PARP4: variants seen among roughly 807,000 people sequenced by gnomAD.
PARP4 encodes protein mono-ADP-ribosyltransferase PARP4.
A neutral mutation model predicts 187.7 loss-of-function variants in PARP4; 120 were observed. The ratio of observed to expected loss-of-function variants is 0.64; its 90% confidence interval spans 0.55 to 0.74. PARP4 has a LOEUF of 0.74. PARP4 is among the 30% of genes least tolerant of loss of function. The pLI is 0.00. For synonymous variants in PARP4, 654 were observed against 740.9 expected (o/e 0.88, Z 1.90); for missense variants, 1,836 against 2,070.5 (o/e 0.89, Z 2.20).
At chr13:24,462,289 G>A (rs541944773) in intron 17 of PARP4, among the ~76,000 whole-genome samples, 12 of 152,240 alleles carry the variant, frequency 7.9e-5, no homozygotes, top group African/African-American at 2.4e-4. Flanking sequence ...GAATTGTTCC[G>A]GATCCAGAAC....
chr13:24,498,073 C>G, intron 6 of PARP4, 43 bp downstream of exon 6: 2 of 1,354,180 alleles, frequency 1.5e-6, no homozygotes, highest in Non-Finnish European at 2.1e-6. Flanking sequence ...GAGTTATGAA[C>G]AGAGGTCAGT....
At chr13:24,495,119 C>G (rs1469742004) in intron 6 of PARP4, among the ~76,000 whole-genome samples, 1 of 152,142 alleles carries the variant, frequency 6.6e-6, no homozygotes, top group African/African-American at 2.4e-5. Flanking sequence ...AATCCACCCA[C>G]CTCGGCCTCC....
At chr13:24,481,817 G>T (rs1873295650) in intron 12 of PARP4, among the ~76,000 whole-genome samples, 1 of 152,206 alleles carries the variant, frequency 6.6e-6, no homozygotes, top group Non-Finnish European at 1.5e-5. Flanking sequence ...GGCTATGGTT[G>T]CATCTTACTG....
At chr13:24,446,932 G>A in intron 26 of PARP4, 84 bp downstream of exon 26, 1 of 1,497,108 alleles carries the variant, frequency 6.7e-7, no homozygotes, top group Non-Finnish European at 9.0e-7. Context: ...ATCTGCTGGT[G>A]AGAAGGGGAG....
chr13:24,493,807 G>T, intron 7 of PARP4, 74 bp from the exon 8 acceptor site: 1 of 1,410,694 alleles, frequency 7.1e-7, no homozygotes, highest in Non-Finnish European at 9.9e-7. Context: ...ATGGGCCAAC[G>T]AACAGAGGTG....
At chr13:24,427,267 C>A (rs1870105516) in intron 32 of PARP4, among the ~76,000 whole-genome samples, 1 of 152,048 alleles carries the variant, frequency 6.6e-6, no homozygotes, top group Non-Finnish European at 1.5e-5. Flanking sequence ...CTATAGGTAT[C>A]CAAGATATTT....
chr13:24,506,362 A>G (rs977593691), intron 1 of PARP4, among the ~76,000 whole-genome samples: 13 of 152,182 alleles, frequency 8.5e-5, no homozygotes, highest in Non-Finnish European at 1.8e-4. Context: ...ATTTACTGCA[A>G]GGAGTGAAAA....
chr13:24,482,764 TTGCTATA>T (rs1186579054), intron 12 of PARP4, among the ~76,000 whole-genome samples: 1 of 152,226 alleles, frequency 6.6e-6, no homozygotes, highest in Non-Finnish European at 1.5e-5. Context: ...ATTGCAGTAT[TTGCTATA>T]TTGCAGTAGT....
intron 12 of PARP4, among the ~76,000 whole-genome samples, chr13:24,482,742 G>A (rs1873345000): frequency 6.6e-6 from 1 of 152,206 alleles, no homozygotes; most frequent in Admixed American, 6.5e-5. Context: ...AAAAATGTGT[G>A]TGACTCACTT....
chr13:24,483,736 C>T (rs943101468), intron 12 of PARP4, among the ~76,000 whole-genome samples: 2 of 152,002 alleles, frequency 1.3e-5, no homozygotes, highest in Non-Finnish European at 1.5e-5. Flanking sequence ...AAGCCAGTCT[C>T]CTGCCTCACC....
intron 1 of PARP4, among the ~76,000 whole-genome samples, chr13:24,507,539 C>T (rs1043915660): frequency 7.9e-5 from 12 of 152,172 alleles, no homozygotes; most frequent in Admixed American, 1.3e-4. Flanking sequence ...ACCCCCATCT[C>T]CTTCTGCCAG....
chr13:24,460,577 T>A (rs764692536), intron 17 of PARP4, among the ~76,000 whole-genome samples: 29 of 151,856 alleles, frequency 1.9e-4, no homozygotes, highest in Non-Finnish European at 3.8e-4. Flanking sequence ...CTGACCTCCA[T>A]GGCACCCAAC....
chr13:24,490,741 T>G lies in PARP4; in HGVS notation c.1141A>C (p.Lys381Gln). The G allele has an allele frequency of 6.2e-7, 1 of 1,614,132 alleles. No individual in the cohort carries two copies. The highest frequency in any genetic ancestry group is 8.5e-7 in the Non-Finnish European group (1 of 1,179,954). Reference sequence around the variant, plus strand: ...GTATTCTGTTCAACATGCTCAATTTTGCACCTCAAAGCTCGGTATTTGGCC... The same window carrying G: ...GTATTCTGTTCAACATGCTCAATTTGGCACCTCAAAGCTCGGTATTTGGCC... ...SLAKYRALRC[K>Q]IEHVEQNTEE... The change falls in exon 10 of 34, where the codon AAA becomes CAA. Residue 381 changes from lysine (K) to glutamine (Q), a missense_variant. Lys to Gln is a moderately conservative substitution (Grantham distance 53). This residue lies in a region of PARP4 where 1,147 missense variants were observed against 1,214.2 expected (regional missense o/e 0.94). Coordinates refer to ENST00000381989, the MANE Select transcript of PARP4 (RefSeq NM_006437.4).
At chr13:24,426,726 A>G (rs1593582194) in intron 32 of PARP4, 128 bp from the exon 33 acceptor site, 1 of 352,346 alleles carries the variant, frequency 2.8e-6, no homozygotes, top group African/African-American at 2.3e-5. Flanking sequence ...CATCTCTGCT[A>G]AAAAAAAAAA....
At chr13:24,439,827 G>A (rs1217419535) in intron 30 of PARP4, among the ~76,000 whole-genome samples, 8 of 152,130 alleles carry the variant, frequency 5.3e-5, no homozygotes, top group Admixed American at 5.2e-4. Flanking sequence ...CAGTCAGAGA[G>A]AGGCCACAGG....
At chr13:24,463,881 C>T (rs1424624755) in intron 17 of PARP4, among the ~76,000 whole-genome samples, 3 of 152,064 alleles carry the variant, frequency 2.0e-5, no homozygotes, top group African/African-American at 7.2e-5. Flanking sequence ...ATGACAAGAT[C>T]CTATATCTAG....
At chr13:24,435,794 T>A (rs925913142) in intron 30 of PARP4, among the ~76,000 whole-genome samples, 9 of 152,012 alleles carry the variant, frequency 5.9e-5, no homozygotes, top group African/African-American at 2.2e-4. Context: ...CTCATGACTG[T>A]AGTCCCAGCC....
chr13:24,457,879 A>G (rs1364591636), intron 20 of PARP4, among the ~76,000 whole-genome samples: 1 of 152,062 alleles, frequency 6.6e-6, no homozygotes. Context: ...TCAGAACTAA[A>G]GACCACCAGT....
chr13:24,446,724 C>A lies in PARP4; in HGVS notation c.3323G>T (p.Arg1108Leu). ...LCALIQEKEF[R>L]TMVSTTELQK... ...AAGCTCAGTAGTCGACACCATTGTA[C>A]GAAATTCTTTCTCTTGAATTAGTGC... Residue 1108 changes from arginine (R) to leucine (L), a missense_variant, in exon 27 of 34, where the codon CGT becomes CTT. Arg to Leu is a moderately radical substitution (Grantham distance 102). This residue lies in a region of PARP4 where 56 missense variants were observed against 56.6 expected (regional missense o/e 0.99). Transcript: ENST00000381989. The A allele has an allele frequency of 6.2e-7, 1 of 1,604,032 alleles. No individual in the cohort carries two copies. Among genetic ancestry groups the A allele is most frequent in the Non-Finnish European group, 8.5e-7 (1 of 1,170,912 alleles).
Sources: gnomAD v4.1 joint callset for allele counts (sites outside exome capture counted in the v4.1 genomes callset) on GRCh38, gnomAD v4.1.1 for gene constraint, gnomAD v4.1.1 regional missense constraint, MANE v1.5 for transcripts, NCBI Gene and HGNC (gene_info 2026-07-23, HGNC 2026-07-21) for gene names.